KAZN: variants seen among roughly 807,000 people sequenced by gnomAD.
The protein encoded by KAZN is kazrin.
KAZN carries 40 observed loss-of-function variants against 87.4 expected under a neutral mutation model. The observed-to-expected ratio is 0.46, with a 90% confidence interval of 0.36 to 0.60. The LOEUF (loss-of-function observed/expected upper bound fraction) is 0.60, where lower values mean the gene tolerates loss of function less well. KAZN is among the 20% of genes least tolerant of loss of function. The probability of loss-of-function intolerance (pLI) is 0.00; values close to 1 mark genes in which losing one functional copy is unlikely to be tolerated. For synonymous variants in KAZN, 466 were observed against 458.3 expected, an observed-to-expected ratio of 1.02 and a Z score of -0.22; for missense variants, 898 against 1,073.9, an observed-to-expected ratio of 0.84 and a Z score of 2.29.
intron 1 of KAZN, among the ~76,000 whole-genome samples, chr1:14,750,362 T>C (rs759792927): frequency 2.0e-5 from 3 of 152,184 alleles, no homozygotes; most frequent in Non-Finnish European, 4.4e-5. Flanking sequence ...CACTGTGGGC[T>C]GAATAGGTCA....
rs201289841 is a variant in KAZN at position 14,284,219 on chromosome 1, G to A, written c.249+103627G>A. ...TTCTAGCATAATTGATTGTGGCTGCGCAATCTGTAAATATACTAAAAATAT... is the reference window on the plus strand; with the variant it reads ...TTCTAGCATAATTGATTGTGGCTGCACAATCTGTAAATATACTAAAAATAT... On this transcript the variant is annotated intron_variant, in intron 2 of 16. Coordinates refer to the KAZN transcript ENST00000636203. 1.2e-4 allele frequency among the ~76,000 whole-genome samples: 19 copies of A among 152,224 alleles called. No homozygotes were observed. In the East Asian group the frequency reaches 3.1e-3, roughly 25 times the overall value.
At chr1:14,076,279 T>TA (rs376121410) in intron 1 of KAZN, among the ~76,000 whole-genome samples, 35 of 146,132 alleles carry the variant, frequency 2.4e-4, no homozygotes, top group African/African-American at 4.5e-4. Context: ...AGACTCCGTC[T>TA]AAAAAAAAAA....
At chr1:14,557,821 T>C (rs1395560665) in intron 2 of KAZN, among the ~76,000 whole-genome samples, 1 of 152,292 alleles carries the variant, frequency 6.6e-6, no homozygotes, top group East Asian at 1.9e-4. Context: ...GGTGCATGTC[T>C]GATTAATATT....
intron 1 of KAZN, among the ~76,000 whole-genome samples, chr1:14,662,884 T>A (rs1428396122): frequency 6.8e-6 from 1 of 147,788 alleles, no homozygotes; most frequent in Non-Finnish European, 1.5e-5. Flanking sequence ...TATATATATA[T>A]GTATATATTA....
intron 2 of KAZN, among the ~76,000 whole-genome samples, chr1:14,433,134 G>T (rs1247640003): frequency 6.6e-6 from 1 of 151,940 alleles, no homozygotes; most frequent in South Asian, 2.1e-4. Flanking sequence ...TACACATGTT[G>T]TAGCATGCAG....
At chr1:14,229,201 A>G (rs1647573081) in intron 2 of KAZN, among the ~76,000 whole-genome samples, 1 of 152,230 alleles carries the variant, frequency 6.6e-6, no homozygotes. Context: ...TGGTTCTTTA[A>G]TTCAATTGCA....
intron 2 of KAZN, among the ~76,000 whole-genome samples, chr1:15,010,049 C>G (rs568190276): frequency 5.6e-4 from 85 of 152,338 alleles, no homozygotes; most frequent in African/African-American, 2.0e-3. Context: ...GAATCAGGAT[C>G]CAAATATCCA....
chr1:14,414,401 T>C (rs1243999209), intron 2 of KAZN, among the ~76,000 whole-genome samples: 1 of 144,690 alleles, frequency 6.9e-6, no homozygotes, highest in East Asian at 2.0e-4. Flanking sequence ...GAGCCAAGAA[T>C]CCACTAACCA....
intron 2 of KAZN, among the ~76,000 whole-genome samples, chr1:14,251,642 A>ATTTTTTTTTTT (rs1571144709): frequency 4.9e-5 from 4 of 81,514 alleles, no homozygotes; most frequent in Admixed American, 1.4e-4. Context: ...GTTCTCCCGG[A>ATTTTTTTTTTT]CTTTTTTTTT....
chr1:14,154,168 C>T (rs1285429329), intron 1 of KAZN, among the ~76,000 whole-genome samples: 1 of 152,138 alleles, frequency 6.6e-6, no homozygotes, highest in Non-Finnish European at 1.5e-5. Flanking sequence ...TGATCCTCTT[C>T]AATTTCTTTC....
Position 14,940,954 on chromosome 1 carries a change from C to T in KAZN, c.227-19730C>T, listed in dbSNP as rs373594767. 1.2e-4 allele frequency among the ~76,000 whole-genome samples: 15 copies of T among 130,008 alleles called. 1 individual carries two copies. Among genetic ancestry groups the T allele is most frequent in the Middle Eastern group, 5.3e-3 (1 of 188 alleles). The allele number at this position is 130,008 out of a possible 152,430, so 85.3% of individuals were successfully genotyped here. A position where few individuals can be genotyped will look rare whatever the true frequency, so the allele number is the denominator to read the frequency against. ...TCTGAGAGACGCAGCCTTGCCCTGT[C>T]GACCAGGCTGGAGTGCAGTGGTGCA... On this transcript the variant is annotated intron_variant, in intron 1 of 14. Transcript: ENST00000376030.
chr1:14,990,589 T>G (rs1667256953), intron 2 of KAZN, among the ~76,000 whole-genome samples: 1 of 152,132 alleles, frequency 6.6e-6, no homozygotes, highest in East Asian at 1.9e-4. Flanking sequence ...TCACATATTT[T>G]CTGAGGCTGC....
chr1:14,164,761 A>C (rs1645787964), intron 1 of KAZN, among the ~76,000 whole-genome samples: 1 of 151,938 alleles, frequency 6.6e-6, no homozygotes, highest in African/African-American at 2.4e-5. Flanking sequence ...GCTGGTCCCA[A>C]ATCCTAACCT....
chr1:14,671,496 G>A (rs1254681096), intron 1 of KAZN, among the ~76,000 whole-genome samples: 1 of 152,126 alleles, frequency 6.6e-6, no homozygotes, highest in Admixed American at 6.5e-5. Flanking sequence ...ACATATTAAA[G>A]ACCTGCTTTG....
Position 14,231,561 on chromosome 1 carries a change from G to T in KAZN, c.249+50969G>T, listed in dbSNP as rs1274973547. Among the ~76,000 whole-genome samples, 8 of 152,292 alleles carry T rather than the reference G, an allele frequency of 5.3e-5. No homozygotes were observed. The East Asian group carries it at 1.5e-3, about 29-fold the overall frequency. ...CCTGTATCTGAGTCCTAGCTTTGTG[G>T]TGACTTACTCTGTGGCCTCATACAA... On this transcript the variant is annotated intron_variant, in intron 2 of 16. Transcript: ENST00000636203.
chr1:14,632,917 TTTA>T (rs1313863541), intron 1 of KAZN, among the ~76,000 whole-genome samples: 13 of 53,018 alleles, frequency 2.5e-4, no homozygotes, highest in Non-Finnish European at 5.7e-5. Context: ...CAAAATGCAC[TTTA>T]TTTATTTTTT....
At chr1:14,366,951 G>A (rs1179586129) in intron 2 of KAZN, among the ~76,000 whole-genome samples, 1 of 152,224 alleles carries the variant, frequency 6.6e-6, no homozygotes, top group Non-Finnish European at 1.5e-5. Context: ...AAAATGGCTA[G>A]CCGGGCACAG....
At position 15,112,180 on chromosome 1, in the gene KAZN, G is replaced by GCTGT. The variant is rs369125388; in HGVS notation, c.2049-244_2049-241dup. ...CTGTGTCGTCTTGGGCAAATTGCTT[G>GCTGT]CTGTCTCTGGCCTCCTTTCCCTGTA... On this transcript the variant is annotated intron_variant, in intron 13 of 14. Coordinates refer to ENST00000376030, the MANE Select transcript of KAZN (RefSeq NM_201628.3). The GCTGT allele has an allele frequency of 6.4e-4, 350 of 546,980 alleles. 5 individuals are homozygous for GCTGT. The East Asian group carries it at 0.011, about 17-fold the overall frequency. 33.9% of individuals were successfully genotyped at this position (546,980 alleles called of 1,614,324 possible). A position where few individuals can be genotyped will look rare whatever the true frequency, so the allele number is the denominator to read the frequency against.
At chr1:14,004,086 A>C (rs552659454) in intron 1 of KAZN, among the ~76,000 whole-genome samples, 48 of 145,702 alleles carry the variant, frequency 3.3e-4, no homozygotes, top group Non-Finnish European at 6.0e-4. Flanking sequence ...ACCTCCCAAA[A>C]GAGGATATCT....
Sources: allele counts gnomAD v4.1 joint callset (sites outside exome capture counted in the v4.1 genomes callset), GRCh38; gene constraint gnomAD v4.1.1; transcripts MANE v1.5; gene names NCBI Gene and HGNC (gene_info 2026-07-23, HGNC 2026-07-21).